The following PIAS2 variants were observed in gnomAD, a reference collection of about 807,000 sequenced individuals.
The protein encoded by PIAS2 is protein inhibitor of activated STAT 2.
A neutral mutation model predicts 69.7 loss-of-function variants in PIAS2; 19 were observed. That is an observed-to-expected ratio of 0.27 (90% CI 0.19 to 0.40). PIAS2 has a LOEUF of 0.40. Among genes scored for constraint, PIAS2 ranks in the 10% least tolerant of loss-of-function variants. The pLI, the probability that PIAS2 is intolerant of heterozygous loss-of-function variation, is 1.00. For synonymous variants in PIAS2, 261 were observed against 263.2 expected, an observed-to-expected ratio of 0.99 and a Z score of 0.08; for missense variants, 624 against 757.0, an observed-to-expected ratio of 0.82 and a Z score of 2.06.
At chr18:46,916,807 G>A in intron 1 of PIAS2, 4 of 985,272 alleles carry the variant, frequency 4.1e-6, no homozygotes, top group Non-Finnish European at 4.8e-6. Flanking sequence ...GGTGGGAGAA[G>A]GGGCCTTTTC....
At position 46,812,305 on chromosome 18, in the gene PIAS2, A is replaced by G. The variant is rs2041051938; in HGVS notation, c.*128T>C. The stretch of plus-strand genomic sequence containing the variant: ...TCTGTGTTCACCCCTCAGAAAGCAA[A>G]AGAATCCATCTGACTTTCAATAAAT... On this transcript the variant is annotated 3_prime_UTR_variant, in exon 14 of 14. Transcript: ENST00000585916. The G allele has an allele frequency of 3.3e-6, 2 of 603,194 alleles. No homozygotes were observed. Among genetic ancestry groups the G allele is most frequent in the African/African-American group, 1.9e-5 (1 of 53,866 alleles). 37.4% of individuals were successfully genotyped at this position (603,194 alleles called of 1,614,324 possible).
At chr18:46,836,162 A>G (rs2044395234) in intron 9 of PIAS2, 195 bp downstream of exon 9, 3 of 480,466 alleles carry the variant, frequency 6.2e-6, no homozygotes, top group Non-Finnish European at 1.1e-5. Context: ...TATTATAGAG[A>G]TAAAAATGCC....
intron 12 of PIAS2, 42 bp downstream of exon 12, chr18:46,820,891 A>G (rs775567846): frequency 6.4e-7 from 1 of 1,565,688 alleles, no homozygotes; most frequent in Non-Finnish European, 8.7e-7. Flanking sequence ...AAAAAAATAA[A>G]CTTTCATTAA....
intron 2 of PIAS2, among the ~76,000 whole-genome samples, chr18:46,877,601 C>T (rs1329345717): frequency 6.6e-6 from 1 of 152,196 alleles, no homozygotes. Flanking sequence ...ACAGCCTCCC[C>T]CTTCCTACCT....
chr18:46,850,350 T>A (rs1378841225), intron 5 of PIAS2, among the ~76,000 whole-genome samples: 2 of 152,146 alleles, frequency 1.3e-5, no homozygotes, highest in Non-Finnish European at 2.9e-5. Flanking sequence ...TCTCCTTTAT[T>A]CTATAAACAT....
intron 7 of PIAS2, 69 bp from the exon 8 acceptor site, chr18:46,844,196 T>G (rs1160354818): frequency 1.4e-6 from 1 of 698,428 alleles, no homozygotes; most frequent in Non-Finnish European, 2.3e-6. Context: ...ATTATAGAAA[T>G]ATATAGCATC....
At chr18:46,884,059 T>C (rs2052728239) in intron 2 of PIAS2, among the ~76,000 whole-genome samples, 1 of 152,114 alleles carries the variant, frequency 6.6e-6, no homozygotes, top group South Asian at 2.1e-4. Context: ...TAAACTTTTT[T>C]TTACAAATAC....
At position 46,894,055 on chromosome 18, in the gene PIAS2, G is replaced by A. The variant is rs559942148; in HGVS notation, c.25-3001C>T. Among the ~76,000 whole-genome samples the A allele has an allele frequency of 1.1e-4, 17 of 152,238 alleles. No homozygotes were observed. In the South Asian group the frequency reaches 3.5e-3, roughly 32 times the overall value. On this transcript the variant is annotated intron_variant, in intron 1 of 13. Transcript: ENST00000585916. Reference sequence around the variant, plus strand: ...GCAGGAGAATTTCTTCAACCCAGGAGGTGGAAGTTGCAGTGAGCCAAGACT... The same window carrying A: ...GCAGGAGAATTTCTTCAACCCAGGAAGTGGAAGTTGCAGTGAGCCAAGACT...
intron 12 of PIAS2, among the ~76,000 whole-genome samples, chr18:46,819,956 T>C (rs1246521563): frequency 6.6e-6 from 1 of 152,170 alleles, no homozygotes; most frequent in Admixed American, 6.6e-5. Context: ...TTTTGCGTTC[T>C]GTGATTGCAG....
At position 46,812,426 on chromosome 18, in the gene PIAS2, T is replaced by C. The variant is rs1429152455; in HGVS notation, c.*7A>G. 1 of 1,579,868 alleles carries C rather than the reference T, an allele frequency of 6.3e-7. No homozygotes were observed. Among genetic ancestry groups the C allele is most frequent in the Non-Finnish European group, 8.7e-7 (1 of 1,153,572 alleles). ...TGAATGATTCCCAGAATCAAGTGAG[T>C]CCTCCTTTAGTCCAATGAGATGATG... On this transcript the variant is annotated 3_prime_UTR_variant, in exon 14 of 14. Coordinates refer to ENST00000585916, the MANE Select transcript of PIAS2 (RefSeq NM_004671.5).
chr18:46,897,111 G>A (rs2055014394), intron 1 of PIAS2, among the ~76,000 whole-genome samples: 1 of 152,184 alleles, frequency 6.6e-6, no homozygotes, highest in Non-Finnish European at 1.5e-5. Flanking sequence ...GGGAAACTGG[G>A]TGTGGGCATG....
At chr18:46,863,942 C>T (rs2049039298) in intron 3 of PIAS2, among the ~76,000 whole-genome samples, 1 of 152,130 alleles carries the variant, frequency 6.6e-6, no homozygotes, top group African/African-American at 2.4e-5. Flanking sequence ...ACCACGGATG[C>T]ACTAGCACAG....
chr18:46,828,001 T>G lies in PIAS2; in HGVS notation c.1466A>C (p.Lys489Thr). ...DEEEDPPAKR[K>T]CIFMSETQSS... ...TTGTGTTTCTGACATAAAGATGCATTTCCTTTTGGCAGGAGGGTCTTCCTC... is the reference window on the plus strand; with the variant it reads ...TTGTGTTTCTGACATAAAGATGCATGTCCTTTTGGCAGGAGGGTCTTCCTC... Residue 489 changes from lysine to threonine, a missense_variant, in exon 11 of 14, where the codon AAA becomes ACA. By Grantham distance (78) the Lys-to-Thr change is moderately conservative. Coordinates refer to ENST00000585916, the MANE Select transcript of PIAS2 (RefSeq NM_004671.5). 1.2e-6 allele frequency: 2 copies of G among 1,613,944 alleles called. No homozygotes were observed. The highest frequency in any genetic ancestry group is 8.5e-7 in the Non-Finnish European group (1 of 1,179,888).
chr18:46,869,281 G>C (rs183491951), intron 2 of PIAS2, among the ~76,000 whole-genome samples: 29 of 152,186 alleles, frequency 1.9e-4, no homozygotes, highest in African/African-American at 6.3e-4. Flanking sequence ...CTCTAGAGAA[G>C]GGAAGGCAAG....
intron 12 of PIAS2, chr18:46,817,935 C>T: frequency 3.0e-6 from 3 of 984,002 alleles, no homozygotes; most frequent in African/African-American, 1.7e-5. Context: ...GTAAGTTTAG[C>T]AAAATGCTGT....
intron 3 of PIAS2, among the ~76,000 whole-genome samples, chr18:46,855,992 C>CTTTTTTTTTTTTTT (rs1256937354): frequency 2.9e-5 from 2 of 69,140 alleles, no homozygotes; most frequent in South Asian, 4.5e-4. Flanking sequence ...TTTTCTTTTT[C>CTTTTTTTTTTTTTT]TTTTGTTTTT....
intron 1 of PIAS2, among the ~76,000 whole-genome samples, chr18:46,916,403 TAA>T (rs34185543): frequency 3.4e-5 from 5 of 146,946 alleles, no homozygotes; most frequent in African/African-American, 1.2e-4. Flanking sequence ...TTGATACATT[TAA>T]AAAAAAAAAA....
chr18:46,819,370 C>T (rs559440684), intron 12 of PIAS2, among the ~76,000 whole-genome samples: 3 of 152,250 alleles, frequency 2.0e-5, no homozygotes, highest in African/African-American at 7.2e-5. Flanking sequence ...ACAATTTGTG[C>T]TAGCTGGGTC....
chr18:46,888,620 A>G (rs1236495158), intron 2 of PIAS2, among the ~76,000 whole-genome samples: 1 of 152,210 alleles, frequency 6.6e-6, no homozygotes, highest in African/African-American at 2.4e-5. Flanking sequence ...ATTTTCCCAC[A>G]GGCCAGGGGA....
Sources: gnomAD v4.1 joint callset for allele counts (sites outside exome capture counted in the v4.1 genomes callset) on GRCh38, gnomAD v4.1.1 for gene constraint, MANE v1.5 for transcripts, NCBI Gene and HGNC (gene_info 2026-07-23, HGNC 2026-07-21) for gene names.